Variants in SYCP2L observed in about 807,000 individuals in gnomAD.
SYCP2L encodes the protein synaptonemal complex protein 2 like, also known as synaptonemal complex protein 2-like.
SYCP2L carries 98 observed loss-of-function variants against 125.8 expected under a neutral mutation model. The ratio of observed to expected loss-of-function variants is 0.78; its 90% CI spans 0.66 to 0.92. The LOEUF (loss-of-function observed/expected upper bound fraction) is 0.92, where lower values mean the gene tolerates loss of function less well. SYCP2L is among the 40% of genes least tolerant of loss of function. The pLI, the probability that SYCP2L is intolerant of heterozygous loss-of-function variation, is 0.00. For synonymous variants in SYCP2L, 317 were observed against 325.4 expected (o/e 0.97, Z 0.28); for missense variants, 842 against 936.4 (o/e 0.90, Z 1.32).
chr6:10,940,147 C>T (rs1176032289), intron 21 of SYCP2L, among the ~76,000 whole-genome samples: 1 of 152,192 alleles, frequency 6.6e-6, no homozygotes, highest in Admixed American at 6.5e-5. Context: ...TATCTCACAC[C>T]TGTCCAGATA....
intron 6 of SYCP2L, among the ~76,000 whole-genome samples, chr6:10,901,394 C>T (rs965909165): frequency 1.3e-5 from 2 of 152,120 alleles, no homozygotes; most frequent in African/African-American, 2.4e-5. Flanking sequence ...AATCCTGTTG[C>T]ATTATCTTCT....
intron 18 of SYCP2L, chr6:10,929,877 A>T (rs1225726): frequency 0.98 from 149,403 of 152,550 alleles, 73,202 homozygotes; most frequent in East Asian, 1. Flanking sequence ...GAGGCAGAGG[A>T]TACAGTGAGC....
chr6:10,892,019 A>G (rs1232637549), intron 2 of SYCP2L, among the ~76,000 whole-genome samples: 1 of 152,222 alleles, frequency 6.6e-6, no homozygotes, highest in East Asian at 1.9e-4. Flanking sequence ...GGGAATGTTG[A>G]GGAGGCACCT....
chr6:10,927,377 T>C lies in SYCP2L; in HGVS notation c.1440+10T>C, dbSNP rs754404185. 1.2e-6 allele frequency: 2 copies of C among 1,603,070 alleles called. No homozygotes were observed. The highest frequency in any genetic ancestry group is 1.3e-5 in the African/African-American group (1 of 74,656). ...TGCCTCTGATAGTCACGTAGGTTCT[T>C]TTCTATTTTCCCTAAGCATCGGCCA... On this transcript the variant is annotated intron_variant, in intron 17 of 29. Coordinates refer to ENST00000283141, the MANE Select transcript of SYCP2L (RefSeq NM_001040274.3).
In SYCP2L at chr6:10,899,455, G is replaced by C. The variant is rs940938645; in HGVS notation, c.466+607G>C. Among the ~76,000 whole-genome samples, 11 of 152,212 alleles carry C rather than the reference G, an allele frequency of 7.2e-5. No homozygotes were observed. In the East Asian group the frequency reaches 2.1e-3, roughly 29 times the overall value. ...CCCAGCTACTTGGGAGGGTGAGGTG[G>C]GAGGATCACTTGAGCCCCAGAGTTT... On this transcript the variant is annotated intron_variant, in intron 6 of 29. Coordinates refer to ENST00000283141, the MANE Select transcript of SYCP2L (RefSeq NM_001040274.3).
intron 21 of SYCP2L, among the ~76,000 whole-genome samples, chr6:10,935,534 T>C (rs1488390986): frequency 6.6e-6 from 1 of 150,928 alleles, no homozygotes; most frequent in Non-Finnish European, 1.5e-5. Flanking sequence ...TTTTCTTTTC[T>C]TTTTTTTTGA....
chr6:10,965,906 A>C (rs781420895), intron 29 of SYCP2L, among the ~76,000 whole-genome samples: 1 of 152,198 alleles, frequency 6.6e-6, no homozygotes, highest in Non-Finnish European at 1.5e-5. Context: ...TAAGATCAGG[A>C]GTTTGAGACC....
At chr6:10,948,024 G>T (rs1298539436) in intron 23 of SYCP2L, among the ~76,000 whole-genome samples, 2 of 151,834 alleles carry the variant, frequency 1.3e-5, no homozygotes, top group South Asian at 2.1e-4. Flanking sequence ...TTTCTCCTTT[G>T]GTTTCTTTTT....
intron 6 of SYCP2L, among the ~76,000 whole-genome samples, chr6:10,901,066 T>C (rs1393350223): frequency 6.6e-6 from 1 of 152,272 alleles, no homozygotes; most frequent in Non-Finnish European, 1.5e-5. Flanking sequence ...TTCTTACTTA[T>C]TTTTATGATT....
chr6:10,891,681 A>T, intron 2 of SYCP2L, 100 bp downstream of exon 2: 1 of 759,006 alleles, frequency 1.3e-6, no homozygotes, highest in Non-Finnish European at 2.0e-6. Context: ...ATATGAGTGT[A>T]TGTATTCTTT....
chr6:10,912,895 C>T lies in SYCP2L; in HGVS notation c.1040C>T (p.Pro347Leu), dbSNP rs370551028. Residue 347 changes from proline (P) to leucine (L), a missense_variant, in exon 14 of 30, where the codon CCG becomes CTG. Physicochemically the swap from Pro to Leu is moderately conservative, Grantham distance 98 (BLOSUM62 -3). Transcript: ENST00000283141. This position sits in a 1 kb window ranked among gnomAD's most constrained non-coding sequence, Gnocchi z 4.1. ...ENTLWDSVTLPKEAVMNFSIT... is the reference protein window; with the variant it reads ...ENTLWDSVTLLKEAVMNFSIT... ...ACTCTATGGGACTCAGTGACACTTCCGAAGGAAGCGGTGATGAATTTCAGC... is the reference window on the plus strand; with the variant it reads ...ACTCTATGGGACTCAGTGACACTTCTGAAGGAAGCGGTGATGAATTTCAGC... 1.6e-5 allele frequency: 26 copies of T among 1,613,784 alleles called. No individual in the cohort carries two copies. Among genetic ancestry groups the T allele is most frequent in the East Asian group, 4.5e-5 (2 of 44,866 alleles).
intron 29 of SYCP2L, among the ~76,000 whole-genome samples, chr6:10,966,409 A>G (rs1781678878): frequency 6.6e-6 from 1 of 152,236 alleles, no homozygotes; most frequent in African/African-American, 2.4e-5. Context: ...CTGTAGTATG[A>G]TAAATCTCAG....
chr6:10,956,633 T>A (rs1436133520), intron 25 of SYCP2L, among the ~76,000 whole-genome samples: 1 of 152,110 alleles, frequency 6.6e-6, no homozygotes, highest in African/African-American at 2.4e-5. Context: ...CATTAAAAAA[T>A]CTTTTTTTAA....
intron 29 of SYCP2L, 91 bp downstream of exon 29, chr6:10,963,934 A>T: frequency 2.2e-6 from 2 of 907,524 alleles, no homozygotes; most frequent in Non-Finnish European, 3.3e-6. Context: ...CTTTGTTCAT[A>T]TGACATTTCT....
chr6:10,956,050 C>G, intron 24 of SYCP2L, 86 bp from the exon 25 acceptor site: 1 of 1,103,690 alleles, frequency 9.1e-7, no homozygotes, highest in Non-Finnish European at 1.3e-6. Flanking sequence ...TTCCAAATAA[C>G]TCATCCTCTG....
At chr6:10,913,015 A>C in intron 14 of SYCP2L, 88 bp downstream of exon 14, 2 of 1,307,662 alleles carry the variant, frequency 1.5e-6, no homozygotes, top group South Asian at 1.3e-5. Flanking sequence ...ATTCTAGGGC[A>C]TATTTTGACC....
At chr6:10,936,534 A>C (rs531761288) in intron 21 of SYCP2L, among the ~76,000 whole-genome samples, 25 of 152,280 alleles carry the variant, frequency 1.6e-4, no homozygotes, top group African/African-American at 6.0e-4. Flanking sequence ...AAGATAGGGA[A>C]GAAAGGAACA....
chr6:10,911,627 G>A (rs1014998783), intron 12 of SYCP2L, among the ~76,000 whole-genome samples: 2 of 151,986 alleles, frequency 1.3e-5, no homozygotes, highest in African/African-American at 4.8e-5. Flanking sequence ...TTTCCCTTTG[G>A]TTGTCTGAAG....
chr6:10,920,201 T>C (rs913933814), intron 14 of SYCP2L, among the ~76,000 whole-genome samples: 1 of 152,120 alleles, frequency 6.6e-6, no homozygotes, highest in Non-Finnish European at 1.5e-5. Flanking sequence ...TTCCTTAGAA[T>C]TTCTTTTTGT....
Sources: allele counts gnomAD v4.1 joint callset (sites outside exome capture counted in the v4.1 genomes callset), GRCh38; gene constraint gnomAD v4.1.1; non-coding constraint Gnocchi (gnomAD v3.1); transcripts MANE v1.5; gene names NCBI Gene and HGNC (gene_info 2026-07-23, HGNC 2026-07-21).